Variants in TMEM123 observed in about 807,000 individuals in gnomAD.
The protein encoded by TMEM123 is transmembrane protein 123.
Under a neutral mutation model 19.7 loss-of-function variants are expected in TMEM123, and 16 were observed. The observed-to-expected ratio is 0.81, with a 90% confidence interval of 0.55 to 1.23. The LOEUF is 1.23. Among genes scored for constraint, TMEM123 ranks in the 50% most tolerant of loss-of-function variants. The probability of loss-of-function intolerance (pLI) is 0.00; values close to 1 mark genes in which losing one functional copy is unlikely to be tolerated. For synonymous variants in TMEM123, 118 were observed against 99.4 expected, an observed-to-expected ratio of 1.19 and a Z score of -1.12; for missense variants, 313 against 257.8, an observed-to-expected ratio of 1.21 and a Z score of -1.47.
intron 2 of TMEM123, among the ~76,000 whole-genome samples, chr11:102,445,138 T>C (rs1857869990): frequency 6.6e-6 from 1 of 152,222 alleles, no homozygotes; most frequent in Non-Finnish European, 1.5e-5. Context: ...ATCTGCACGT[T>C]GTGCACATGT....
chr11:102,407,484 A>G (rs1210851643), intron 2 of TMEM123, among the ~76,000 whole-genome samples: 1 of 152,162 alleles, frequency 6.6e-6, no homozygotes, highest in Non-Finnish European at 1.5e-5. Context: ...ACCCTGCCCA[A>G]ATTCATACTT....
chr11:102,407,063 G>A lies in TMEM123; in HGVS notation c.158-4857C>T, dbSNP rs1208893137. Among the ~76,000 whole-genome samples, 46 of 152,076 alleles carry A rather than the reference G, an allele frequency of 3.0e-4. 1 individual carries two copies. Among genetic ancestry groups the A allele is most frequent in the Non-Finnish European group, 5.9e-5 (4 of 68,030 alleles). On this transcript the variant is annotated intron_variant, in intron 2 of 4. Coordinates refer to ENST00000398136, the MANE Select transcript of TMEM123 (RefSeq NM_052932.3). The stretch of plus-strand genomic sequence containing the variant: ...GAGAACCACACATCTGCCATCCAGA[G>A]GGCACCTGTGCCAAATGAAAACATC...
chr11:102,398,260 C>G lies in TMEM123; in HGVS notation c.*607G>C, dbSNP rs1378974762. ...CCAATGGATCCCTAACAGGGCTAAG[C>G]AAAGCTATTATTTTGGGTTTTATTT... On this transcript the variant is annotated 3_prime_UTR_variant, in exon 5 of 5. Coordinates refer to ENST00000398136, the MANE Select transcript of TMEM123 (RefSeq NM_052932.3). 1 of 233,896 alleles carries G rather than the reference C, an allele frequency of 4.3e-6. No homozygotes were observed. The highest frequency in any genetic ancestry group is 2.2e-5 in the African/African-American group (1 of 44,970). 14.5% of individuals were successfully genotyped at this position (233,896 alleles called of 1,614,324 possible). A position where few individuals can be genotyped will look rare whatever the true frequency, so the allele number is the denominator to read the frequency against.
Position 102,425,339 on chromosome 11 carries a change from T to C in TMEM123, c.158-23133A>G, listed in dbSNP as rs59368067. Among the ~76,000 whole-genome samples the C allele has an allele frequency of 6.5e-3, 985 of 152,340 alleles. 9 individuals carry two copies. The highest frequency in any genetic ancestry group is 0.023 in the African/African-American group (942 of 41,564). ...CTCAACAGATGGTTACGGTCCACTG[T>C]TATGAACACGAGCAGTATCATTTTA... On this transcript the variant is annotated intron_variant, in intron 2 of 4. Coordinates refer to ENST00000398136, the MANE Select transcript of TMEM123 (RefSeq NM_052932.3).
At chr11:102,414,357 G>C (rs1002651267) in intron 2 of TMEM123, among the ~76,000 whole-genome samples, 2 of 152,114 alleles carry the variant, frequency 1.3e-5, no homozygotes, top group African/African-American at 2.4e-5. Context: ...GAAAACTCCT[G>C]CAAGATACCA....
intron 2 of TMEM123, among the ~76,000 whole-genome samples, chr11:102,409,549 A>AT (rs1395645523): frequency 6.6e-6 from 1 of 151,746 alleles, no homozygotes; most frequent in African/African-American, 2.4e-5. Flanking sequence ...GAAAATCTAG[A>AT]TTAAAAAAAA....
chr11:102,431,854 G>A (rs1857713694), intron 2 of TMEM123, among the ~76,000 whole-genome samples: 1 of 152,130 alleles, frequency 6.6e-6, no homozygotes, highest in African/African-American at 2.4e-5. Context: ...CTGTTCCCAT[G>A]ATAGTGAGTG....
At chr11:102,442,899 A>G (rs1372890290) in intron 2 of TMEM123, among the ~76,000 whole-genome samples, 2 of 152,250 alleles carry the variant, frequency 1.3e-5, no homozygotes, top group East Asian at 3.8e-4. Flanking sequence ...CTATACACCA[A>G]TAAAAGACAA....
intron 2 of TMEM123, among the ~76,000 whole-genome samples, chr11:102,415,213 CT>C (rs1349956106): frequency 6.6e-6 from 1 of 152,170 alleles, no homozygotes; most frequent in African/African-American, 2.4e-5. Context: ...CCTATAGACT[CT>C]TAAGATAACC....
chr11:102,405,150 G>A (rs189623987), intron 2 of TMEM123, among the ~76,000 whole-genome samples: 88 of 151,718 alleles, frequency 5.8e-4, no homozygotes, highest in Middle Eastern at 3.4e-3. Context: ...CCAGGTTCAC[G>A]CCATTCTCCT....
At chr11:102,441,721 C>G (rs1341959351) in intron 2 of TMEM123, among the ~76,000 whole-genome samples, 1 of 143,684 alleles carries the variant, frequency 7.0e-6, no homozygotes, top group Non-Finnish European at 1.5e-5. Flanking sequence ...GACAGACACA[C>G]AAAAAACCCT....
rs568851460 is a variant in TMEM123 at position 102,396,460 on chromosome 11, A to G, written c.*2407T>C. ...TTTGTGAAAATACAAAATTATCACTATAATATACTGCCAACTCTGTTTATC... is the reference window on the plus strand; with the variant it reads ...TTTGTGAAAATACAAAATTATCACTGTAATATACTGCCAACTCTGTTTATC... On this transcript the variant is annotated 3_prime_UTR_variant, in exon 5 of 5. Coordinates refer to ENST00000398136, the MANE Select transcript of TMEM123 (RefSeq NM_052932.3). The G allele has an allele frequency of 1.6e-4, 25 of 152,364 alleles. No homozygotes were observed. The highest frequency in any genetic ancestry group is 5.5e-4 in the African/African-American group (23 of 41,590). 9.4% of individuals were successfully genotyped at this position (152,364 alleles called of 1,614,324 possible).
chr11:102,451,204 T>A (rs1049301587), intron 1 of TMEM123: 3 of 152,204 alleles, frequency 2.0e-5, no homozygotes, highest in Non-Finnish European at 2.9e-5. Flanking sequence ...TCACTCACAG[T>A]TTCTCTAATC....
intron 2 of TMEM123, among the ~76,000 whole-genome samples, chr11:102,439,523 C>T (rs1174112674): frequency 6.6e-6 from 1 of 152,010 alleles, no homozygotes; most frequent in Non-Finnish European, 1.5e-5. Flanking sequence ...AAAGGACATC[C>T]ACACCAAAAC....
Position 102,398,324 on chromosome 11 carries a change from C to G in TMEM123, c.*543G>C. ...TTCTTGGAGTATTTTGTTTCTAGACCAACTACTACAGTTTAAAGCACAAAA... is the reference window on the plus strand; with the variant it reads ...TTCTTGGAGTATTTTGTTTCTAGACGAACTACTACAGTTTAAAGCACAAAA... On this transcript the variant is annotated 3_prime_UTR_variant, in exon 5 of 5. Transcript: ENST00000398136. 2.8e-6 allele frequency: 1 copy of G among 355,464 alleles called. No homozygotes were observed. The highest frequency in any genetic ancestry group is 5.0e-6 in the Non-Finnish European group (1 of 200,090). The allele number at this position is 355,464 out of a possible 1,614,324, so 22.0% of individuals were successfully genotyped here. A position where few individuals can be genotyped will look rare whatever the true frequency, so the allele number is the denominator to read the frequency against.
At chr11:102,399,030 C>T (rs1221964519) in intron 4 of TMEM123, 139 bp from the exon 5 acceptor site, 1 of 725,108 alleles carries the variant, frequency 1.4e-6, no homozygotes, top group African/African-American at 1.8e-5. Context: ...TGTAAAGTTC[C>T]TTAAGTATCC....
At chr11:102,400,984 G>A (rs12273573) in intron 4 of TMEM123, among the ~76,000 whole-genome samples, 2,155 of 152,310 alleles carry the variant, frequency 0.014, 52 homozygotes, top group African/African-American at 0.048. Context: ...AGAGCTACAT[G>A]TAGAGTAAAC....
chr11:102,416,539 A>C (rs1316782683), intron 2 of TMEM123, among the ~76,000 whole-genome samples: 3 of 152,162 alleles, frequency 2.0e-5, no homozygotes, highest in Non-Finnish European at 2.9e-5. Context: ...ACCAATCAGG[A>C]AAAGCCTTGG....
At chr11:102,447,470 T>C (rs1462254686) in intron 2 of TMEM123, among the ~76,000 whole-genome samples, 2 of 152,150 alleles carry the variant, frequency 1.3e-5, no homozygotes, top group Non-Finnish European at 2.9e-5. Flanking sequence ...ACTGTTAAAT[T>C]AGTAAATGTA....
Sources: allele counts gnomAD v4.1 joint callset (sites outside exome capture counted in the v4.1 genomes callset), GRCh38; gene constraint gnomAD v4.1.1; transcripts MANE v1.5; gene names NCBI Gene and HGNC (gene_info 2026-07-23, HGNC 2026-07-21).